The following PIAS2 variants were observed in gnomAD, a reference collection of about 807,000 sequenced individuals.
PIAS2 encodes protein inhibitor of activated STAT 2.
In PIAS2, 19 loss-of-function variants were observed where a neutral mutation model predicts 69.7. The ratio of observed to expected loss-of-function variants is 0.27; its 90% CI spans 0.19 to 0.40. PIAS2 has a LOEUF of 0.40. PIAS2 is among the 10% of genes least tolerant of loss of function. The pLI is 1.00. For missense variants in PIAS2, 624 were observed against 757.0 expected, an observed-to-expected ratio of 0.82 and a Z score of 2.06; for synonymous variants, 261 against 263.2, an observed-to-expected ratio of 0.99 and a Z score of 0.08.
chr18:46,912,938 G>A (rs2057417911), intron 1 of PIAS2, among the ~76,000 whole-genome samples: 1 of 152,166 alleles, frequency 6.6e-6, no homozygotes, highest in African/African-American at 2.4e-5. Flanking sequence ...ACCCGCCCCA[G>A]GCTCCCAAAA....
chr18:46,894,618 TAACATA>T (rs951390105), intron 1 of PIAS2, among the ~76,000 whole-genome samples: 1 of 152,162 alleles, frequency 6.6e-6, no homozygotes, highest in African/African-American at 2.4e-5. Flanking sequence ...AAACAAAAAC[TAACATA>T]AATTAAGACC....
chr18:46,843,934 GAAAAGAC>G, intron 8 of PIAS2, 113 bp downstream of exon 8: 1 of 581,126 alleles, frequency 1.7e-6, no homozygotes, highest in East Asian at 3.1e-5. Context: ...TCCTTAATGG[GAAAAGAC>G]AAAAGTTCAG....
At chr18:46,838,954 C>A (rs547671215) in intron 8 of PIAS2, among the ~76,000 whole-genome samples, 1 of 152,234 alleles carries the variant, frequency 6.6e-6, no homozygotes, top group Non-Finnish European at 1.5e-5. Context: ...TAAAAATGAA[C>A]GTTGACTAAA....
At chr18:46,854,721 A>G (rs2047483777) in intron 5 of PIAS2, among the ~76,000 whole-genome samples, 2 of 152,142 alleles carry the variant, frequency 1.3e-5, no homozygotes, top group South Asian at 4.1e-4. Context: ...TTGTCAACCA[A>G]CTATTATTGC....
At chr18:46,813,323 AC>A (rs2041168292) in intron 13 of PIAS2, among the ~76,000 whole-genome samples, 1 of 152,146 alleles carries the variant, frequency 6.6e-6, no homozygotes, top group Admixed American at 6.6e-5. Context: ...CTCATATTTC[AC>A]AAGTCCCCTT....
At position 46,812,357 on chromosome 18, in the gene PIAS2, A is replaced by AT; in HGVS notation, c.*75_*76insA. The AT allele has an allele frequency of 1.3e-6, 1 of 798,308 alleles. No individual in the cohort carries two copies. Among genetic ancestry groups the AT allele is most frequent in the Non-Finnish European group, 1.9e-6 (1 of 527,102 alleles). The allele number at this position is 798,308 out of a possible 1,614,324, so 49.5% of individuals were successfully genotyped here. On this transcript the variant is annotated 3_prime_UTR_variant, in exon 14 of 14. Coordinates refer to ENST00000585916, the MANE Select transcript of PIAS2 (RefSeq NM_004671.5). ...CCAAATTATTAAAAAAAAAAAAAAA[A>AT]GAACGTTTCCACAGACTAGAGATCC...
intron 12 of PIAS2, chr18:46,818,226 A>C (rs773431555): frequency 3.2e-5 from 39 of 1,216,376 alleles, no homozygotes; most frequent in Non-Finnish European, 3.9e-5. Context: ...AAATATGTAA[A>C]TGTTTAGCAC....
At chr18:46,891,986 G>C (rs928073988) in intron 1 of PIAS2, among the ~76,000 whole-genome samples, 1 of 152,046 alleles carries the variant, frequency 6.6e-6, no homozygotes, top group Non-Finnish European at 1.5e-5. Context: ...CAAGAAAGAG[G>C]AAGAACACCT....
chr18:46,816,782 A>C, intron 12 of PIAS2: 2 of 984,570 alleles, frequency 2.0e-6, no homozygotes, highest in Non-Finnish European at 2.4e-6. Context: ...GTAATTTTTC[A>C]TTTCATATGT....
chr18:46,840,429 G>A (rs1262389911), intron 8 of PIAS2, among the ~76,000 whole-genome samples: 3 of 152,104 alleles, frequency 2.0e-5, no homozygotes, highest in Non-Finnish European at 4.4e-5. Context: ...TTTTAACTTT[G>A]TAGTTCTTTT....
Position 46,910,142 on chromosome 18 carries a change from G to A in PIAS2, c.24+7180C>T, listed in dbSNP as rs550093299. Among the ~76,000 whole-genome samples, 537 of 152,012 alleles carry A rather than the reference G, an allele frequency of 3.5e-3. 2 individuals are homozygous for A. Among genetic ancestry groups the A allele is most frequent in the Non-Finnish European group, 5.3e-3 (361 of 67,962 alleles). ...CTGCACTCCAGCCTGGGCAAGAAGA[G>A]CAAAACTCCGTCTCAAAAAATAAAT... On this transcript the variant is annotated intron_variant, in intron 1 of 13. Coordinates refer to ENST00000585916, the MANE Select transcript of PIAS2 (RefSeq NM_004671.5).
chr18:46,846,694 G>A lies in PIAS2; in HGVS notation c.861+13C>T, dbSNP rs769875041. 15 of 1,606,542 alleles carry A rather than the reference G, an allele frequency of 9.3e-6. No homozygotes were observed. In the East Asian group the frequency reaches 2.5e-4, roughly 26 times the overall value. ...GGGTCACTGTCCTGCTACCCAAAACGGAGAGCTTTTACCTTCCCAATTTCT... is the reference window on the plus strand; with the variant it reads ...GGGTCACTGTCCTGCTACCCAAAACAGAGAGCTTTTACCTTCCCAATTTCT... On this transcript the variant is annotated intron_variant, in intron 6 of 13. Coordinates refer to ENST00000585916, the MANE Select transcript of PIAS2 (RefSeq NM_004671.5).
Position 46,839,843 on chromosome 18 carries a change from C to A in PIAS2, c.1042-3326G>T, listed in dbSNP as rs1460638231. On this transcript the variant is annotated intron_variant, in intron 8 of 13. Transcript: ENST00000585916. ...TCATACCACTGCACTCCAGCCTGGGCGACAAGAGCAAAACTCTGTCAAAAA... is the reference window on the plus strand; with the variant it reads ...TCATACCACTGCACTCCAGCCTGGGAGACAAGAGCAAAACTCTGTCAAAAA... Among the ~76,000 whole-genome samples the A allele has an allele frequency of 2.2e-5, 3 of 137,552 alleles. No homozygotes were observed. In the South Asian group the frequency reaches 7.0e-4, roughly 32 times the overall value. The allele number at this position is 137,552 out of a possible 152,430, so 90.2% of individuals were successfully genotyped here. A position where few individuals can be genotyped will look rare whatever the true frequency, so the allele number is the denominator to read the frequency against.
intron 2 of PIAS2, among the ~76,000 whole-genome samples, chr18:46,883,648 G>A (rs2145889567): frequency 1.3e-5 from 2 of 152,170 alleles, no homozygotes; most frequent in South Asian, 4.2e-4. Flanking sequence ...AGACCAGCCT[G>A]GGCAACATAG....
chr18:46,850,372 T>G (rs1353816806), intron 5 of PIAS2, among the ~76,000 whole-genome samples: 1 of 152,142 alleles, frequency 6.6e-6, no homozygotes, highest in African/African-American at 2.4e-5. Flanking sequence ...ACCCCTGCCA[T>G]CTCCAAACAC....
At chr18:46,857,795 A>G (rs2048058046) in intron 3 of PIAS2, among the ~76,000 whole-genome samples, 1 of 152,198 alleles carries the variant, frequency 6.6e-6, no homozygotes. Context: ...TCTGACATTC[A>G]TTTCTGCCAA....
At chr18:46,812,764 A>AAGAT in intron 13 of PIAS2, 152 bp from the exon 14 acceptor site, 1 of 554,180 alleles carries the variant, frequency 1.8e-6, no homozygotes. Flanking sequence ...CTTTGGGTGG[A>AAGAT]AGATAGCATG....
chr18:46,817,509 G>A, intron 12 of PIAS2: 1 of 943,858 alleles, frequency 1.1e-6, no homozygotes, highest in Non-Finnish European at 1.3e-6. Flanking sequence ...AATTCTCTTT[G>A]ATGATTTCAT....
At chr18:46,912,511 T>C (rs2057377769) in intron 1 of PIAS2, among the ~76,000 whole-genome samples, 1 of 152,150 alleles carries the variant, frequency 6.6e-6, no homozygotes, top group Admixed American at 6.5e-5. Context: ...TTCACAGACA[T>C]GAAGGGCCAA....
Sources: gnomAD v4.1 joint callset for allele counts (sites outside exome capture counted in the v4.1 genomes callset) on GRCh38, gnomAD v4.1.1 for gene constraint, MANE v1.5 for transcripts, NCBI Gene and HGNC (gene_info 2026-07-23, HGNC 2026-07-21) for gene names.